Variants in RAVER2 observed in about 807,000 individuals in gnomAD.
The protein encoded by RAVER2 is ribonucleoprotein, PTB binding 2, also known as ribonucleoprotein PTB-binding 2.
In RAVER2, 46 loss-of-function variants were observed where a neutral mutation model predicts 78.1. The observed-to-expected ratio is 0.59, with a 90% confidence interval of 0.46 to 0.75. RAVER2 has a LOEUF of 0.75. Ranked by LOEUF, RAVER2 falls within the 30% of genes least tolerant of loss-of-function variation. RAVER2 has a pLI of 0.00. For synonymous variants in RAVER2, 311 were observed against 313.3 expected, an observed-to-expected ratio of 0.99 and a Z score of 0.08; for missense variants, 793 against 837.5, an observed-to-expected ratio of 0.95 and a Z score of 0.66.
At chr1:64,777,991 C>T in exon 3 of RAVER2, 1 of 1,614,088 alleles carries the variant, frequency 6.2e-7, no homozygotes, top group Non-Finnish European at 8.5e-7. Flanking sequence ...AGAGCTCATT[C>T]ATTCTAAGTG....
At chr1:64,832,189 T>C (rs1274560582) in exon 12 of RAVER2, 2 of 152,608 alleles carry the variant, frequency 1.3e-5, no homozygotes, top group Non-Finnish European at 2.9e-5. Flanking sequence ...TTCCACAATA[T>C]AGTATAGTAA....
At position 64,781,181 on chromosome 1, in the gene RAVER2, T is replaced by A. The variant is rs1288090529; in HGVS notation, c.787-199T>A. Among the ~76,000 whole-genome samples the A allele has an allele frequency of 2.0e-5, 3 of 152,204 alleles. No individual in the cohort carries two copies. In the East Asian group the frequency reaches 5.8e-4, roughly 29 times the overall value. On this transcript the variant is annotated intron_variant, in intron 3 of 11. Coordinates refer to ENST00000294428, the Ensembl canonical transcript of RAVER2. ...GAAAATTAAAGAATTGAATAGAAAC[T>A]TGACAGACTCCTATCTTCCTGTCTT...
At chr1:64,823,156 A>G (rs72920109) in intron 11 of RAVER2, among the ~76,000 whole-genome samples, 3,442 of 152,168 alleles carry the variant, frequency 0.023, 155 homozygotes, top group African/African-American at 0.079. Flanking sequence ...CAAATTTTGG[A>G]CTCTTTAGAA....
intron 4 of RAVER2, 132 bp downstream of exon 4, chr1:64,781,703 T>G: frequency 2.2e-6 from 2 of 909,954 alleles, no homozygotes; most frequent in Non-Finnish European, 1.5e-6. Flanking sequence ...ACTGAAGACT[T>G]TTCCTTTTTT....
Position 64,745,385 on chromosome 1 carries a change from C to T in RAVER2, c.213C>T (p.Ile71=), listed in dbSNP as rs903497998. Reference sequence around the variant, plus strand: ...GGGAGCTGAGCAACCGCAGGAAAATCCTGGTGAAAAACCTGCCCCAGGACA... The same window carrying T: ...GGGAGCTGAGCAACCGCAGGAAAATTCTGGTGAAAAACCTGCCCCAGGACA... Residue 71 remains isoleucine, a synonymous_variant, in exon 1 of 12, where the codon ATC becomes ATT. Transcript: ENST00000294428. This position sits in a 1 kb window ranked among gnomAD's most constrained non-coding sequence, Gnocchi z 4.3. 1.3e-6 allele frequency: 2 copies of T among 1,541,778 alleles called. No homozygotes were observed. Among genetic ancestry groups the T allele is most frequent in the African/African-American group, 2.8e-5 (2 of 72,556 alleles).
rs754953570 is a variant in RAVER2 at position 64,807,484 on chromosome 1, C to T, written c.1680+10C>T. ...AGAGATAAGTTCAGGGGTAAGAAAACTGTGGGTGCACACAGATGTATATAT... is the reference window on the plus strand; with the variant it reads ...AGAGATAAGTTCAGGGGTAAGAAAATTGTGGGTGCACACAGATGTATATAT... On this transcript the variant is annotated intron_variant, in intron 9 of 11. Coordinates refer to ENST00000294428, the Ensembl canonical transcript of RAVER2. 2 of 1,611,800 alleles carry T rather than the reference C, an allele frequency of 1.2e-6. No homozygotes were observed. Among genetic ancestry groups the T allele is most frequent in the South Asian group, 2.2e-5 (2 of 91,050 alleles).
At chr1:64,790,098 T>C (rs759183212) in intron 5 of RAVER2, among the ~76,000 whole-genome samples, 2 of 152,238 alleles carry the variant, frequency 1.3e-5, no homozygotes, top group African/African-American at 4.8e-5. Flanking sequence ...TGTACAACTT[T>C]TTATGTACAA....
chr1:64,776,151 A>G (rs1419520600), intron 2 of RAVER2, among the ~76,000 whole-genome samples: 1 of 152,182 alleles, frequency 6.6e-6, no homozygotes, highest in East Asian at 1.9e-4. Flanking sequence ...GTATTTACAA[A>G]CTGTTGTTGG....
chr1:64,820,006 CAT>C (rs559625350), intron 11 of RAVER2, among the ~76,000 whole-genome samples: 5 of 151,996 alleles, frequency 3.3e-5, no homozygotes, highest in East Asian at 1.9e-4. Flanking sequence ...AAAATTGTAA[CAT>C]ATAGGGTTTA....
intron 11 of RAVER2, among the ~76,000 whole-genome samples, chr1:64,818,512 G>C (rs773684023): frequency 6.6e-6 from 1 of 152,124 alleles, no homozygotes; most frequent in Non-Finnish European, 1.5e-5. Context: ...CTCCAGCCTG[G>C]GCGACAGAGT....
At chr1:64,789,415 C>G (rs764042378) in exon 5 of RAVER2, 292 of 1,608,874 alleles carry the variant, frequency 1.8e-4, no homozygotes, top group Non-Finnish European at 2.4e-4. Flanking sequence ...GGGCTTACTT[C>G]CAGAGCCAAA....
chr1:64,788,558 C>T (rs1469595762), intron 4 of RAVER2, among the ~76,000 whole-genome samples: 8 of 150,932 alleles, frequency 5.3e-5, no homozygotes, highest in Non-Finnish European at 7.4e-5. Context: ...GTTTGGGAGG[C>T]CGAGGTGGTG....
Position 64,750,090 on chromosome 1 carries a change from A to G in RAVER2, c.249+4669A>G, listed in dbSNP as rs551357985. Among the ~76,000 whole-genome samples the G allele has an allele frequency of 1.2e-4, 18 of 152,258 alleles. No individual in the cohort carries two copies. In the South Asian group the frequency reaches 3.3e-3, roughly 28 times the overall value. ...AGTAATAGAGGAAACAAAACATTCT[A>G]TTGTCACTTTGGATATTATAAACTT... On this transcript the variant is annotated intron_variant, in intron 1 of 11. Transcript: ENST00000294428.
At chr1:64,802,512 G>T (rs1653295953) in intron 5 of RAVER2, among the ~76,000 whole-genome samples, 1 of 151,964 alleles carries the variant, frequency 6.6e-6, no homozygotes, top group Non-Finnish European at 1.5e-5. Context: ...AGTTTCTTTT[G>T]ATTTTATTAT....
At chr1:64,811,487 A>G (rs1349089208) in intron 9 of RAVER2, among the ~76,000 whole-genome samples, 1 of 152,198 alleles carries the variant, frequency 6.6e-6, no homozygotes, top group African/African-American at 2.4e-5. Flanking sequence ...ACATTGTAAG[A>G]AAAATTCGAA....
intron 11 of RAVER2, among the ~76,000 whole-genome samples, chr1:64,825,353 G>A (rs1019922738): frequency 1.3e-5 from 2 of 152,126 alleles, no homozygotes; most frequent in Non-Finnish European, 2.9e-5. Flanking sequence ...TTGGTTCTCC[G>A]TATACCTGAC....
At chr1:64,831,074 C>T (rs1654116453) in exon 12 of RAVER2, 2 of 1,342,520 alleles carry the variant, frequency 1.5e-6, no homozygotes, top group South Asian at 3.2e-5. Flanking sequence ...CTAGCCATAT[C>T]CTTTAAATAC....
intron 1 of RAVER2, among the ~76,000 whole-genome samples, chr1:64,759,155 T>C (rs1259116739): frequency 6.6e-6 from 1 of 151,688 alleles, no homozygotes; most frequent in Non-Finnish European, 1.5e-5. Flanking sequence ...GTACAGTAAG[T>C]ATATTTTCAG....
At chr1:64,752,124 C>T (rs1268539511) in intron 1 of RAVER2, among the ~76,000 whole-genome samples, 3 of 152,192 alleles carry the variant, frequency 2.0e-5, no homozygotes, top group Admixed American at 6.5e-5. Flanking sequence ...GATCTATTCT[C>T]GACCCTTCTC....
Sources: allele counts gnomAD v4.1 joint callset (sites outside exome capture counted in the v4.1 genomes callset), GRCh38; gene constraint gnomAD v4.1.1; non-coding constraint Gnocchi (gnomAD v3.1); transcripts MANE v1.5; gene names NCBI Gene and HGNC (gene_info 2026-07-23, HGNC 2026-07-21).